Variants in KLHL8 observed in about 807,000 individuals in gnomAD.
The protein encoded by KLHL8 is kelch like family member 8, also known as kelch-like protein 8.
Under a neutral mutation model 63.5 loss-of-function variants are expected in KLHL8, and 38 were observed. That is an observed-to-expected ratio of 0.60 (90% CI 0.46 to 0.78). The LOEUF is 0.78. Ranked by LOEUF, KLHL8 falls within the 30% of genes least tolerant of loss-of-function variation. The pLI, the probability that KLHL8 is intolerant of heterozygous loss-of-function variation, is 0.00. For synonymous variants in KLHL8, 224 were observed against 254.3 expected, an observed-to-expected ratio of 0.88 and a Z score of 1.13; for missense variants, 566 against 752.4, an observed-to-expected ratio of 0.75 and a Z score of 2.90.
intron 2 of KLHL8, among the ~76,000 whole-genome samples, chr4:87,190,965 A>T (rs1016620264): frequency 6.6e-6 from 1 of 152,222 alleles, no homozygotes; most frequent in Admixed American, 6.5e-5. Context: ...AACAAATCAC[A>T]GTTTAGTTAT....
intron 8 of KLHL8, among the ~76,000 whole-genome samples, chr4:87,168,243 C>G (rs1169836133): frequency 2.0e-5 from 3 of 152,236 alleles, no homozygotes; most frequent in Middle Eastern, 3.4e-3. Context: ...CTTATACTCC[C>G]TTGATCTTTC....
At chr4:87,190,823 C>T (rs973853122) in intron 2 of KLHL8, among the ~76,000 whole-genome samples, 5 of 152,170 alleles carry the variant, frequency 3.3e-5, no homozygotes, top group African/African-American at 1.2e-4. Flanking sequence ...CTGATGCCAA[C>T]TCTTCTTTGT....
intron 1 of KLHL8, among the ~76,000 whole-genome samples, chr4:87,239,473 A>G (rs1733291239): frequency 6.6e-6 from 1 of 152,194 alleles, no homozygotes; most frequent in Admixed American, 6.5e-5. Flanking sequence ...CTGTTTATTG[A>G]ATCATAAGAA....
intron 2 of KLHL8, among the ~76,000 whole-genome samples, chr4:87,191,656 T>C (rs954291228): frequency 1.3e-5 from 2 of 152,034 alleles, no homozygotes; most frequent in East Asian, 1.9e-4. Context: ...CATAGATATA[T>C]TGCATCATGC....
chr4:87,235,065 T>TAAATAAATATTTA, intron 1 of KLHL8, among the ~76,000 whole-genome samples: 5 of 152,200 alleles, frequency 3.3e-5, no homozygotes, highest in Non-Finnish European at 5.9e-5. Flanking sequence ...GGTTGGTTTA[T>TAAATAAATATTTA]TACCAGAGAA....
At chr4:87,196,091 A>G (rs1466246974) in intron 1 of KLHL8, among the ~76,000 whole-genome samples, 2 of 151,838 alleles carry the variant, frequency 1.3e-5, no homozygotes, top group African/African-American at 4.8e-5. Context: ...CTGGGATTAC[A>G]TGCTTGAACC....
chr4:87,222,682 C>T (rs1388682662), upstream of KLHL8, among the ~76,000 whole-genome samples: 1 of 152,126 alleles, frequency 6.6e-6, no homozygotes, highest in Non-Finnish European at 1.5e-5. Context: ...CTCCCAGGTT[C>T]AAGTGATTCT....
intron 1 of KLHL8, chr4:87,207,615 A>G: frequency 8.1e-7 from 1 of 1,236,974 alleles, no homozygotes; most frequent in Non-Finnish European, 1.2e-6. Flanking sequence ...TCATGACTAC[A>G]GTCCATGCCA....
intron 1 of KLHL8, chr4:87,207,438 G>A: frequency 1.4e-6 from 1 of 709,610 alleles, no homozygotes; most frequent in Non-Finnish European, 2.6e-6. Context: ...GAGCCAAAAG[G>A]GTCATCATCT....
chr4:87,185,597 A>G lies in KLHL8; in HGVS notation c.419T>C (p.Leu140Pro), dbSNP rs1560700057. 5.0e-6 allele frequency: 8 copies of G among 1,614,254 alleles called. No individual in the cohort carries two copies. The highest frequency in any genetic ancestry group is 6.8e-6 in the Non-Finnish European group (8 of 1,180,042). ...LTLTVDNVQP[L>P]LYAACILQVE... The stretch of plus-strand genomic sequence containing the variant: ...CTGCAGAATACAGGCTGCATATAAG[A>G]GAGGCTGGACATTGTCAACAGTCAA... Residue 140 changes from leucine (L) to proline (P), a missense_variant, in exon 3 of 10, where the codon CTC (leucine) becomes CCC (proline). Leu to Pro is a moderately conservative substitution (Grantham distance 98). Transcript: ENST00000273963.
Position 87,163,485 on chromosome 4 carries a change from G to A in KLHL8, c.*34C>T. 6.2e-7 allele frequency: 1 copy of A among 1,612,030 alleles called. No individual in the cohort carries two copies. Among genetic ancestry groups the A allele is most frequent in the Non-Finnish European group, 8.5e-7 (1 of 1,179,008 alleles). ...TCTTGGTTTTCTTTTGTACCTATCAGATATGACTAAATTGTTGGTGGCCAG... is the reference window on the plus strand; with the variant it reads ...TCTTGGTTTTCTTTTGTACCTATCAAATATGACTAAATTGTTGGTGGCCAG... On this transcript the variant is annotated 3_prime_UTR_variant, in exon 10 of 10. Coordinates refer to ENST00000273963, the MANE Select transcript of KLHL8 (RefSeq NM_020803.5).
chr4:87,221,874 G>C (rs1732866425), upstream of KLHL8, among the ~76,000 whole-genome samples: 1 of 152,060 alleles, frequency 6.6e-6, no homozygotes, highest in Non-Finnish European at 1.5e-5. Context: ...GAAAAATAGA[G>C]TAAGATGAGT....
rs563315191 is a variant in KLHL8 at position 87,171,177 on chromosome 4, C to CA, written c.1209-563dup. On this transcript the variant is annotated intron_variant, in intron 6 of 9. Coordinates refer to ENST00000273963, the MANE Select transcript of KLHL8 (RefSeq NM_020803.5). ...TGTTAAAAGCTGATTTAACAGTGAT[C>CA]AAAAAAAAAACTCAATTTCTTAAAA... Among the ~76,000 whole-genome samples the CA allele has an allele frequency of 5.4e-4, 80 of 147,504 alleles. 1 individual carries two copies. Among genetic ancestry groups the CA allele is most frequent in the South Asian group, 1.9e-3 (9 of 4,650 alleles).
chr4:87,203,551 C>A (rs1053135933), intron 1 of KLHL8, among the ~76,000 whole-genome samples: 42 of 145,288 alleles, frequency 2.9e-4, no homozygotes, highest in Admixed American at 4.8e-4. Context: ...AAAAAAAAAA[C>A]AAGGTGAACA....
At chr4:87,234,982 T>C (rs1422262264) in intron 1 of KLHL8, among the ~76,000 whole-genome samples, 5 of 152,050 alleles carry the variant, frequency 3.3e-5, no homozygotes, top group Admixed American at 6.6e-5. Flanking sequence ...AGAAAGAAAA[T>C]ATTTTTGAAT....
chr4:87,208,426 G>A (rs1471654339), intron 1 of KLHL8, among the ~76,000 whole-genome samples: 1 of 151,186 alleles, frequency 6.6e-6, no homozygotes, highest in Non-Finnish European at 1.5e-5. Flanking sequence ...CAGTGCAGTG[G>A]CACAATCTCG....
At chr4:87,224,873 G>A (rs994429541), upstream of KLHL8, among the ~76,000 whole-genome samples, 3 of 152,042 alleles carry the variant, frequency 2.0e-5, no homozygotes, top group African/African-American at 7.2e-5. Flanking sequence ...ACCATTTTCT[G>A]ATATATTTCT....
chr4:87,219,049 C>A (rs1425353233), intron 1 of KLHL8, among the ~76,000 whole-genome samples: 2 of 152,166 alleles, frequency 1.3e-5, no homozygotes, highest in African/African-American at 4.8e-5. Flanking sequence ...TGAGACACCT[C>A]TTTTTATATT....
rs1336708025 is a variant in KLHL8 at position 87,161,714 on chromosome 4, C to T, written c.*1805G>A. On this transcript the variant is annotated 3_prime_UTR_variant, in exon 10 of 10. Transcript: ENST00000273963. Reference sequence around the variant, plus strand: ...GCCAGGTTTTGACACTTATTCTCCACATCCAGCCAGTTGTCACCAGTCTAG... The same window carrying T: ...GCCAGGTTTTGACACTTATTCTCCATATCCAGCCAGTTGTCACCAGTCTAG... 2 of 152,234 alleles carry T rather than the reference C, an allele frequency of 1.3e-5. No individual in the cohort carries two copies. Among genetic ancestry groups the T allele is most frequent in the Non-Finnish European group, 2.9e-5 (2 of 68,052 alleles). The allele number at this position is 152,234 out of a possible 1,614,324, so 9.4% of individuals were successfully genotyped here. A position where few individuals can be genotyped will look rare whatever the true frequency, so the allele number is the denominator to read the frequency against.
Sources: allele counts gnomAD v4.1 joint callset (sites outside exome capture counted in the v4.1 genomes callset), GRCh38; gene constraint gnomAD v4.1.1; transcripts MANE v1.5; gene names NCBI Gene and HGNC (gene_info 2026-07-23, HGNC 2026-07-21).